CAMK1D: variants seen among roughly 807,000 people sequenced by gnomAD.
The protein encoded by CAMK1D is calcium/calmodulin-dependent protein kinase type 1D.
A neutral mutation model predicts 47.7 loss-of-function variants in CAMK1D; 9 were observed. The observed-to-expected ratio is 0.19, with a 90% CI of 0.11 to 0.33. CAMK1D has a LOEUF of 0.33. CAMK1D is among the 10% of genes least tolerant of loss of function. CAMK1D has a pLI of 1.00. For missense variants in CAMK1D, 291 were observed against 488.7 expected (o/e 0.60, Z 3.81); for synonymous variants, 184 against 184.9 (o/e 0.99, Z 0.04).
chr10:12,524,434 G>A (rs1478483940), intron 1 of CAMK1D, among the ~76,000 whole-genome samples: 5 of 152,118 alleles, frequency 3.3e-5, no homozygotes, highest in South Asian at 2.1e-4. Context: ...TTGACCAGGC[G>A]CGGTGGCGCA....
intron 2 of CAMK1D, among the ~76,000 whole-genome samples, chr10:12,659,746 C>T (rs1840220558): frequency 6.6e-6 from 1 of 152,104 alleles, no homozygotes; most frequent in South Asian, 2.1e-4. Flanking sequence ...AATTCCATGC[C>T]AGGGAACCAC....
chr10:12,757,260 A>C (rs976632114), intron 3 of CAMK1D, among the ~76,000 whole-genome samples: 1 of 152,092 alleles, frequency 6.6e-6, no homozygotes, highest in African/African-American at 2.4e-5. Context: ...GATGTGCGCC[A>C]CTGTGCCCGG....
intron 2 of CAMK1D, among the ~76,000 whole-genome samples, chr10:12,622,635 T>C (rs973388858): frequency 2.6e-5 from 4 of 152,144 alleles, no homozygotes; most frequent in Non-Finnish European, 5.9e-5. Context: ...AGCTGGATTT[T>C]GAGCCCCATG....
intron 1 of CAMK1D, among the ~76,000 whole-genome samples, chr10:12,478,606 C>T (rs544131714): frequency 3.9e-5 from 6 of 152,118 alleles, no homozygotes; most frequent in South Asian, 2.1e-4. Flanking sequence ...AACAGTAATA[C>T]GGGGTGCACT....
At chr10:12,616,620 C>T (rs1373705137) in intron 2 of CAMK1D, among the ~76,000 whole-genome samples, 2 of 151,806 alleles carry the variant, frequency 1.3e-5, no homozygotes, top group East Asian at 1.9e-4. Context: ...CGGGTTCACG[C>T]CATTCTCCTG....
intron 3 of CAMK1D, among the ~76,000 whole-genome samples, chr10:12,717,318 C>CT (rs945355445): frequency 2.6e-5 from 4 of 152,132 alleles, no homozygotes; most frequent in Non-Finnish European, 5.9e-5. Flanking sequence ...TATAATTAGG[C>CT]TTTCATGAAA....
At chr10:12,409,165 T>C (rs34008033) in intron 1 of CAMK1D, among the ~76,000 whole-genome samples, 30,949 of 152,072 alleles carry the variant, frequency 0.2, 3,270 homozygotes, top group Admixed American at 0.29. Context: ...TTTTTGTCCA[T>C]TTTTTACCTT....
chr10:12,553,168 C>G lies in CAMK1D; in HGVS notation c.93-57C>G, dbSNP rs2132272465. 1.9e-6 allele frequency: 3 copies of G among 1,610,834 alleles called. No individual in the cohort carries two copies. The African/African-American group carries it at 4.0e-5, about 22-fold the overall frequency. On this transcript the variant is annotated intron_variant, in intron 1 of 10. Coordinates refer to ENST00000619168, the MANE Select transcript of CAMK1D (RefSeq NM_153498.4). ...AACTTCGGTGGTAGGGTGAATGGAG[C>G]CATTGTGAAACTGGACTTCTGCATC...
intron 1 of CAMK1D, among the ~76,000 whole-genome samples, chr10:12,482,175 G>T (rs1834084246): frequency 6.6e-6 from 1 of 152,162 alleles, no homozygotes; most frequent in African/African-American, 2.4e-5. Flanking sequence ...TGAAAAGAGG[G>T]ATGTGAACCG....
chr10:12,727,913 G>A (rs1211737330), intron 3 of CAMK1D, among the ~76,000 whole-genome samples: 1 of 152,114 alleles, frequency 6.6e-6, no homozygotes, highest in Non-Finnish European at 1.5e-5. Flanking sequence ...GTACAGGCAT[G>A]TGCCACTATG....
intron 3 of CAMK1D, among the ~76,000 whole-genome samples, chr10:12,708,957 A>G (rs757619058): frequency 1.3e-5 from 2 of 152,210 alleles, no homozygotes; most frequent in Non-Finnish European, 2.9e-5. Flanking sequence ...TGCATCTCTT[A>G]ACGGCATCCC....
At chr10:12,562,242 C>T (rs1284886230) in intron 2 of CAMK1D, among the ~76,000 whole-genome samples, 3 of 152,022 alleles carry the variant, frequency 2.0e-5, no homozygotes, top group Non-Finnish European at 2.9e-5. Flanking sequence ...GAAGAGACCA[C>T]CCCCCCTTAA....
At chr10:12,631,759 T>G (rs1482948762) in intron 2 of CAMK1D, among the ~76,000 whole-genome samples, 2 of 151,608 alleles carry the variant, frequency 1.3e-5, no homozygotes, top group African/African-American at 4.8e-5. Flanking sequence ...TGGTCCTTCA[T>G]CATGTAGGGG....
intron 3 of CAMK1D, among the ~76,000 whole-genome samples, chr10:12,711,718 A>G (rs530283559): frequency 2.6e-5 from 4 of 152,242 alleles, no homozygotes; most frequent in African/African-American, 7.2e-5. Context: ...TCCTCACACC[A>G]CTTTGGTCTC....
At chr10:12,712,386 A>G (rs898774312) in intron 3 of CAMK1D, among the ~76,000 whole-genome samples, 11 of 152,226 alleles carry the variant, frequency 7.2e-5, no homozygotes, top group Non-Finnish European at 1.5e-4. Flanking sequence ...AGGGGCACAC[A>G]GGGTGAAGAA....
Position 12,551,993 on chromosome 10 carries a change from C to T in CAMK1D, c.93-1232C>T, listed in dbSNP as rs147474184. Among the ~76,000 whole-genome samples the T allele has an allele frequency of 2.1e-3, 320 of 152,298 alleles. 1 individual carries two copies. The highest frequency in any genetic ancestry group is 7.3e-3 in the African/African-American group (302 of 41,568). The stretch of plus-strand genomic sequence containing the variant: ...GAGTTGAAAGTCTTGGCACAGAGAA[C>T]GACTCAGTGGGCTGTGGTACTTCCC... On this transcript the variant is annotated intron_variant, in intron 1 of 10. Transcript: ENST00000619168.
chr10:12,357,164 C>T (rs1837542971), intron 1 of CAMK1D, among the ~76,000 whole-genome samples: 1 of 152,016 alleles, frequency 6.6e-6, no homozygotes, highest in Non-Finnish European at 1.5e-5. Context: ...TCTTTTTTTA[C>T]TTTTTAAGTT....
chr10:12,550,628 G>A (rs1836546500), intron 1 of CAMK1D, among the ~76,000 whole-genome samples: 1 of 152,196 alleles, frequency 6.6e-6, no homozygotes, highest in Non-Finnish European at 1.5e-5. Flanking sequence ...GTCTTTATGT[G>A]TTTATATTTA....
intron 3 of CAMK1D, among the ~76,000 whole-genome samples, chr10:12,744,478 A>G (rs80063131): frequency 0.017 from 2,643 of 152,272 alleles, 83 homozygotes; most frequent in African/African-American, 0.06. Context: ...CTACATTCTC[A>G]TTGCCAACAC....
Sources: allele counts gnomAD v4.1 joint callset (sites outside exome capture counted in the v4.1 genomes callset), GRCh38; gene constraint gnomAD v4.1.1; transcripts MANE v1.5; gene names NCBI Gene and HGNC (gene_info 2026-07-23, HGNC 2026-07-21).